Variants in RPS6KC1 observed in about 807,000 individuals in gnomAD.
RPS6KC1 encodes ribosomal protein S6 kinase C1, also known as inactive ribosomal protein S6 kinase delta-1.
A neutral mutation model predicts 103.8 loss-of-function variants in RPS6KC1; 54 were observed. The observed-to-expected ratio is 0.52, with a 90% confidence interval of 0.42 to 0.65. The LOEUF is 0.65. Ranked by LOEUF, RPS6KC1 falls within the 30% of genes least tolerant of loss-of-function variation. The pLI is 0.00. For synonymous variants in RPS6KC1, 439 were observed against 438.7 expected, an observed-to-expected ratio of 1.00 and a Z score of -0.01; for missense variants, 1,151 against 1,253.8, an observed-to-expected ratio of 0.92 and a Z score of 1.24.
the RPS6KC1 span, among the ~76,000 whole-genome samples, chr1:213,667,299 C>G: frequency 1.1e-4 from 16 of 152,146 alleles, no homozygotes; most frequent in Non-Finnish European, 2.4e-4. Context: ...ACATTGCAAG[C>G]TTGGTTCCAG....
At chr1:213,220,749 T>G (rs1490572163) in intron 8 of RPS6KC1, among the ~76,000 whole-genome samples, 2 of 152,258 alleles carry the variant, frequency 1.3e-5, no homozygotes, top group African/African-American at 4.8e-5. Flanking sequence ...AAAGCAAAAA[T>G]GAAGTCTAAG....
intron 10 of RPS6KC1, among the ~76,000 whole-genome samples, chr1:213,236,599 G>A (rs909114099): frequency 2.8e-4 from 43 of 152,256 alleles, no homozygotes; most frequent in African/African-American, 9.9e-4. Context: ...GAAACAAAAT[G>A]TATTCAGTCA....
downstream of RPS6KC1, among the ~76,000 whole-genome samples, chr1:213,276,935 G>A (rs1399866815): frequency 6.6e-6 from 1 of 152,120 alleles, no homozygotes; most frequent in Non-Finnish European, 1.5e-5. Context: ...GCCCTCATCT[G>A]TCATATTTTG....
the RPS6KC1 span, among the ~76,000 whole-genome samples, chr1:213,425,045 AGGAGCC>A: frequency 1.3e-5 from 2 of 152,126 alleles, no homozygotes; most frequent in African/African-American, 4.8e-5. Flanking sequence ...AGGGCCACGG[AGGAGCC>A]GCCATGTAGC....
intron 8 of RPS6KC1, among the ~76,000 whole-genome samples, chr1:213,180,534 T>A (rs1282964052): frequency 6.6e-6 from 1 of 152,082 alleles, no homozygotes; most frequent in African/African-American, 2.4e-5. Context: ...GGCTGAAAGA[T>A]TGATCATTGG....
chr1:213,233,121 CATG>C (rs1431123026), intron 10 of RPS6KC1, among the ~76,000 whole-genome samples: 1 of 151,984 alleles, frequency 6.6e-6, no homozygotes. Context: ...AATGAGGTCT[CATG>C]ATAATGAATG....
chr1:213,252,077 T>C (rs2149029158), intron 12 of RPS6KC1, among the ~76,000 whole-genome samples: 1 of 152,344 alleles, frequency 6.6e-6, no homozygotes, highest in Admixed American at 6.5e-5. Context: ...ATACAAAAAA[T>C]GCTTTCTTCT....
intron 14 of RPS6KC1, among the ~76,000 whole-genome samples, chr1:213,267,466 T>C (rs1009111487): frequency 2.0e-5 from 3 of 151,910 alleles, no homozygotes; most frequent in Admixed American, 2.0e-4. Flanking sequence ...TGCTAAAATA[T>C]ACTATCTAAA....
the RPS6KC1 span, among the ~76,000 whole-genome samples, chr1:213,527,651 C>A: frequency 6.6e-6 from 1 of 151,162 alleles, no homozygotes; most frequent in Non-Finnish European, 1.5e-5. Flanking sequence ...TTGATGTGTT[C>A]TTTTTTTTTA....
the RPS6KC1 span, among the ~76,000 whole-genome samples, chr1:213,441,275 CTCTT>C: frequency 6.6e-6 from 1 of 152,166 alleles, no homozygotes; most frequent in African/African-American, 2.4e-5. Flanking sequence ...CTGTCTCTCT[CTCTT>C]TCTTTCTTCC....
At chr1:213,288,113 T>C in the RPS6KC1 span, among the ~76,000 whole-genome samples, 4 of 152,226 alleles carry the variant, frequency 2.6e-5, no homozygotes, top group Non-Finnish European at 4.4e-5. Context: ...TCTCATCTTA[T>C]TCTGTTCCAC....
At chr1:213,363,683 T>TTCC in the RPS6KC1 span, among the ~76,000 whole-genome samples, 1 of 88,770 alleles carries the variant, frequency 1.1e-5, no homozygotes, top group Admixed American at 1.1e-4. Flanking sequence ...TCTTTCTTTC[T>TTCC]TTCTTTCTTT....
At chr1:213,858,241 T>C in the RPS6KC1 span, among the ~76,000 whole-genome samples, 1 of 152,230 alleles carries the variant, frequency 6.6e-6, no homozygotes, top group Admixed American at 6.5e-5. Flanking sequence ...ATAACAACTG[T>C]ATGATTATCC....
the RPS6KC1 span, among the ~76,000 whole-genome samples, chr1:213,568,046 C>T: frequency 6.6e-6 from 1 of 152,202 alleles, no homozygotes; most frequent in Non-Finnish European, 1.5e-5. Flanking sequence ...TCCCAAGTGA[C>T]ACTTTGATAT....
the RPS6KC1 span, among the ~76,000 whole-genome samples, chr1:213,672,723 C>T: frequency 1.3e-5 from 2 of 152,152 alleles, no homozygotes; most frequent in Non-Finnish European, 2.9e-5. Context: ...TCATTATTTT[C>T]GGTCCAGAGC....
chr1:213,692,925 G>A, the RPS6KC1 span, among the ~76,000 whole-genome samples: 1 of 152,112 alleles, frequency 6.6e-6, no homozygotes, highest in South Asian at 2.1e-4. Context: ...GGTGGTCGTG[G>A]GGCCATTGGC....
chr1:213,618,692 T>C, the RPS6KC1 span, among the ~76,000 whole-genome samples: 3 of 152,240 alleles, frequency 2.0e-5, no homozygotes, highest in Non-Finnish European at 4.4e-5. Flanking sequence ...CCAGGACTAC[T>C]GATGTTAGTG....
At chr1:213,796,800 C>A in the RPS6KC1 span, among the ~76,000 whole-genome samples, 184 of 152,240 alleles carry the variant, frequency 1.2e-3, 1 homozygote, top group African/African-American at 4.2e-3. Flanking sequence ...AAGTTTAACC[C>A]GATTTCTTTC....
the RPS6KC1 span, among the ~76,000 whole-genome samples, chr1:213,632,629 C>T: frequency 3.3e-5 from 5 of 152,338 alleles, no homozygotes; most frequent in East Asian, 3.9e-4. Context: ...AAAACCAGAG[C>T]GCCTCTTCTC....
Sources: allele counts gnomAD v4.1 joint callset (sites outside exome capture counted in the v4.1 genomes callset), GRCh38; gene constraint gnomAD v4.1.1; transcripts MANE v1.5; gene names NCBI Gene and HGNC (gene_info 2026-07-23, HGNC 2026-07-21).